CAPN13: variants seen among roughly 807,000 people sequenced by gnomAD.
The protein encoded by CAPN13 is calpain-13.
Under a neutral mutation model 98.4 loss-of-function variants are expected in CAPN13, and 90 were observed. The ratio of observed to expected loss-of-function variants is 0.92; its 90% CI spans 0.77 to 1.09. The LOEUF (loss-of-function observed/expected upper bound fraction) is 1.09, where lower values mean the gene tolerates loss of function less well. Among genes scored for constraint, CAPN13 ranks in the 50% least tolerant of loss-of-function variants. The pLI, the probability that CAPN13 is intolerant of heterozygous loss-of-function variation, is 0.00. For synonymous variants in CAPN13, 330 were observed against 305.5 expected, an observed-to-expected ratio of 1.08 and a Z score of -0.84; for missense variants, 887 against 841.3, an observed-to-expected ratio of 1.05 and a Z score of -0.67.
At chr2:30,790,023 C>G (rs554126479) in intron 1 of CAPN13, among the ~76,000 whole-genome samples, 50 of 152,272 alleles carry the variant, frequency 3.3e-4, no homozygotes, top group Non-Finnish European at 3.8e-4. Flanking sequence ...GTGGGCTGTT[C>G]TGGGAGGAGA....
At chr2:30,752,838 G>A (rs566584958) in intron 10 of CAPN13, among the ~76,000 whole-genome samples, 5 of 152,180 alleles carry the variant, frequency 3.3e-5, no homozygotes, top group Non-Finnish European at 7.3e-5. Context: ...GAGGGCTAGG[G>A]GAGAATCACA....
At position 30,775,929 on chromosome 2, in the gene CAPN13, C is replaced by T. The variant is rs374790270; in HGVS notation, c.387+1G>A. The T allele has an allele frequency of 2.8e-5, 45 of 1,605,950 alleles. No homozygotes were observed. Among genetic ancestry groups the T allele is most frequent in the Non-Finnish European group, 3.7e-5 (43 of 1,175,428 alleles). ...AATGAGCGCTGCAAGGGCACACGTA[C>T]CCGGAAACGGAAAATGCCAGCATAC... On this transcript the variant is annotated splice_donor_variant, in intron 4 of 22. Transcript: ENST00000295055. LOFTEE classifies it high-confidence loss of function.
intron 2 of CAPN13, among the ~76,000 whole-genome samples, chr2:30,784,240 A>C (rs1674142568): frequency 6.6e-6 from 1 of 152,100 alleles, no homozygotes; most frequent in African/African-American, 2.4e-5. Context: ...CTCCCTGCCA[A>C]CCTTCTTTCA....
intron 11 of CAPN13, among the ~76,000 whole-genome samples, chr2:30,749,719 C>T (rs1490559891): frequency 6.6e-6 from 1 of 151,606 alleles, no homozygotes; most frequent in Non-Finnish European, 1.5e-5. Flanking sequence ...TTCGGGGCCT[C>T]AGTCTCTTCA....
At chr2:30,757,387 G>C (rs1672507791) in intron 8 of CAPN13, among the ~76,000 whole-genome samples, 1 of 152,240 alleles carries the variant, frequency 6.6e-6, no homozygotes, top group Non-Finnish European at 1.5e-5. Context: ...TGACCACACA[G>C]CTGGGCCCCC....
intron 8 of CAPN13, among the ~76,000 whole-genome samples, chr2:30,755,903 T>A (rs910605496): frequency 1.3e-5 from 2 of 152,206 alleles, no homozygotes; most frequent in South Asian, 2.1e-4. Context: ...GCGACTGAAA[T>A]TTTAATTATG....
chr2:30,762,586 T>C (rs1407767534), intron 7 of CAPN13, among the ~76,000 whole-genome samples: 1 of 152,236 alleles, frequency 6.6e-6, no homozygotes, highest in African/African-American at 2.4e-5. Context: ...CTTGGGCACA[T>C]GGATGGAAGC....
chr2:30,725,340 A>T (rs1334930565), intron 22 of CAPN13, among the ~76,000 whole-genome samples: 6 of 152,256 alleles, frequency 3.9e-5, no homozygotes, highest in Non-Finnish European at 7.3e-5. Context: ...TATGATGGGA[A>T]GAGAGGAAGA....
intron 1 of CAPN13, among the ~76,000 whole-genome samples, chr2:30,804,288 C>A (rs1572898017): frequency 6.6e-6 from 1 of 152,302 alleles, no homozygotes; most frequent in South Asian, 2.1e-4. Flanking sequence ...GCAACCTCCA[C>A]CTCCCTGCTT....
At position 30,787,225 on chromosome 2, in the gene CAPN13, G is replaced by A. The variant is rs368344942; in HGVS notation, c.101C>T (p.Thr34Met). The change falls in exon 2 of 23, where the codon ACG becomes ATG. Residue 34 changes from threonine to methionine, a missense_variant. Physicochemically the swap from Thr to Met is moderately conservative, Grantham distance 81. Transcript: ENST00000295055. ...LRDHCLSMGRTFKDETFPAAD... is the reference protein window; with the variant it reads ...LRDHCLSMGRMFKDETFPAAD... ...TGCAGGGAATGTCTCATCCTTAAACGTCCGGCCCATGCTCAGGCAGTGATC... is the reference window on the plus strand; with the variant it reads ...TGCAGGGAATGTCTCATCCTTAAACATCCGGCCCATGCTCAGGCAGTGATC... 85 of 1,611,258 alleles carry A rather than the reference G, an allele frequency of 5.3e-5. No individual in the cohort carries two copies. In the African/African-American group the frequency reaches 1.0e-3, roughly 19 times the overall value.
intron 1 of CAPN13, among the ~76,000 whole-genome samples, chr2:30,801,924 G>A (rs577538042): frequency 6.6e-6 from 1 of 152,308 alleles, no homozygotes; most frequent in South Asian, 2.1e-4. Context: ...CTCAAGGCAT[G>A]GCTGGAAAAC....
chr2:30,769,877 C>A (rs1204571259), intron 5 of CAPN13, among the ~76,000 whole-genome samples: 3 of 152,074 alleles, frequency 2.0e-5, no homozygotes, highest in Non-Finnish European at 2.9e-5. Flanking sequence ...TTTGGAGATG[C>A]CTCCTCCCAC....
At chr2:30,798,559 G>A (rs1285682674) in intron 1 of CAPN13, among the ~76,000 whole-genome samples, 3 of 152,318 alleles carry the variant, frequency 2.0e-5, no homozygotes, top group Admixed American at 1.3e-4. Flanking sequence ...AGCAACAAAG[G>A]GTAATTTTGT....
At position 30,776,036 on chromosome 2, in the gene CAPN13, CA is replaced by C. The variant is rs2148049683; in HGVS notation, c.280del (p.Trp94GlyfsTer9). 1 of 1,609,848 alleles carries C rather than the reference CA, an allele frequency of 6.2e-7. No homozygotes were observed. The highest frequency in any genetic ancestry group is 2.2e-5 in the East Asian group (1 of 44,660). ...DIQQGGAADCWFLAALGSLTQ... is the reference protein window; with the variant it reads ...DIQQGGAADCXFLAALGSLTQ... ...CAAGGATCCCAGTGCTGCCAGGAAC[CA>C]GCAGTCAGCTGTGAGGGGAGATAAG... On this transcript the variant is annotated frameshift_variant, in exon 4 of 23. Coordinates refer to ENST00000295055, the MANE Select transcript of CAPN13 (RefSeq NM_144575.3). LOFTEE classifies it high-confidence loss of function.
chr2:30,758,755 CCT>C (rs1295187568), intron 7 of CAPN13, among the ~76,000 whole-genome samples: 3 of 139,118 alleles, frequency 2.2e-5, no homozygotes, highest in East Asian at 2.0e-4. Context: ...TCCCTCCCTC[CCT>C]CTCTTTCCTT....
chr2:30,745,987 G>A (rs545776079), intron 11 of CAPN13, among the ~76,000 whole-genome samples: 2 of 131,696 alleles, frequency 1.5e-5, no homozygotes, highest in Admixed American at 9.4e-5. Context: ...TGCAACCTCC[G>A]CCTCCTGGGT....
At chr2:30,733,773 G>A (rs1457455702) in intron 19 of CAPN13, among the ~76,000 whole-genome samples, 3 of 152,166 alleles carry the variant, frequency 2.0e-5, no homozygotes, top group Admixed American at 2.0e-4. Flanking sequence ...GTGTTAACCC[G>A]GGGAAATGTG....
Position 30,731,026 on chromosome 2 carries a change from G to A in CAPN13, c.1984-240C>T, listed in dbSNP as rs188105865. On this transcript the variant is annotated intron_variant, in intron 21 of 22. Coordinates refer to ENST00000295055, the MANE Select transcript of CAPN13 (RefSeq NM_144575.3). ...AGGTCTACCAGCTGGCTGGTCAGGA[G>A]CCTCTAAAACTCAATGGGAATAAGT... Among the ~76,000 whole-genome samples the A allele has an allele frequency of 3.3e-5, 5 of 152,296 alleles. No homozygotes were observed. In the East Asian group the frequency reaches 9.6e-4, roughly 29 times the overall value.
chr2:30,790,358 T>C (rs898686245), intron 1 of CAPN13, among the ~76,000 whole-genome samples: 1 of 152,226 alleles, frequency 6.6e-6, no homozygotes, highest in Non-Finnish European at 1.5e-5. Flanking sequence ...CTGAAAGGCC[T>C]ACCTGATATT....
Sources: gnomAD v4.1 joint callset for allele counts (sites outside exome capture counted in the v4.1 genomes callset) on GRCh38, gnomAD v4.1.1 for gene constraint, MANE v1.5 for transcripts, NCBI Gene and HGNC (gene_info 2026-07-23, HGNC 2026-07-21) for gene names.